The following TNKS variants were observed in gnomAD, a reference collection of about 807,000 sequenced individuals.
The protein encoded by TNKS is poly [ADP-ribose] polymerase tankyrase-1.
TNKS carries 72 observed loss-of-function variants against 135.8 expected under a neutral mutation model. The ratio of observed to expected loss-of-function variants is 0.53; its 90% CI spans 0.44 to 0.64. The LOEUF is 0.64. TNKS is among the 30% of genes least tolerant of loss of function. TNKS has a pLI of 0.00. For missense variants in TNKS, 1,769 were observed against 1,674.0 expected, an observed-to-expected ratio of 1.06 and a Z score of -0.99; for synonymous variants, 849 against 649.3, an observed-to-expected ratio of 1.31 and a Z score of -4.68.
chr8:9,717,103 T>TATATATATATATATATATATG (rs1554476739), intron 11 of TNKS, among the ~76,000 whole-genome samples: 1 of 39,332 alleles, frequency 2.5e-5, no homozygotes, highest in African/African-American at 8.0e-5. Context: ...ATATATATAT[T>TATATATATATATATATATATG]TTCAGGGAAT....
At chr8:9,715,929 G>T (rs549705584) in intron 11 of TNKS, among the ~76,000 whole-genome samples, 1 of 152,198 alleles carries the variant, frequency 6.6e-6, no homozygotes, top group East Asian at 1.9e-4. Context: ...CTGGCATTCT[G>T]CATTCTGTCA....
intron 12 of TNKS, among the ~76,000 whole-genome samples, chr8:9,722,849 A>T (rs573736950): frequency 2.2e-4 from 34 of 152,286 alleles, no homozygotes; most frequent in South Asian, 1.0e-3. Context: ...CAAAATGGAG[A>T]AGAAAGTATT....
intron 2 of TNKS, among the ~76,000 whole-genome samples, chr8:9,584,349 C>T (rs537446253): frequency 1.8e-4 from 27 of 152,130 alleles, no homozygotes; most frequent in African/African-American, 6.5e-4. Flanking sequence ...TCTTTGCAGT[C>T]AGGGATTGTC....
At chr8:9,596,378 T>G (rs5018578) in intron 2 of TNKS, among the ~76,000 whole-genome samples, 2 of 152,110 alleles carry the variant, frequency 1.3e-5, no homozygotes, top group South Asian at 4.1e-4. Flanking sequence ...CCTTCTTACT[T>G]CTCATTCTCA....
chr8:9,757,680 C>T (rs1459428902), intron 20 of TNKS, among the ~76,000 whole-genome samples: 1 of 152,142 alleles, frequency 6.6e-6, no homozygotes, highest in East Asian at 1.9e-4. Flanking sequence ...TCTTGGTTAC[C>T]TCAAGTAAAT....
intron 5 of TNKS, among the ~76,000 whole-genome samples, chr8:9,688,185 T>C (rs1273698214): frequency 6.6e-6 from 1 of 152,226 alleles, no homozygotes; most frequent in African/African-American, 2.4e-5. Flanking sequence ...ATGATTTGAG[T>C]ACCCTTTGGT....
At chr8:9,722,075 G>A (rs200403876) in intron 12 of TNKS, among the ~76,000 whole-genome samples, 4 of 148,226 alleles carry the variant, frequency 2.7e-5, no homozygotes, top group African/African-American at 5.0e-5. Flanking sequence ...AAAAAGAAAA[G>A]AAAAGAAAAA....
chr8:9,714,292 T>A (rs190854914), intron 11 of TNKS, among the ~76,000 whole-genome samples: 2 of 151,978 alleles, frequency 1.3e-5, no homozygotes, highest in African/African-American at 4.8e-5. Context: ...GAGTCTCAGT[T>A]GACTAATCAG....
chr8:9,649,202 G>A (rs1801038036), intron 3 of TNKS, among the ~76,000 whole-genome samples: 1 of 152,262 alleles, frequency 6.6e-6, no homozygotes, highest in South Asian at 2.1e-4. Context: ...ATAGTTTTGA[G>A]CACAGAGCTA....
At chr8:9,590,340 A>C (rs945124057) in intron 2 of TNKS, among the ~76,000 whole-genome samples, 3 of 152,156 alleles carry the variant, frequency 2.0e-5, no homozygotes, top group Non-Finnish European at 4.4e-5. Flanking sequence ...TTTCACTAAT[A>C]ATGTTAATTC....
intron 26 of TNKS, among the ~76,000 whole-genome samples, chr8:9,773,063 T>C (rs1348487276): frequency 6.6e-6 from 1 of 151,818 alleles, no homozygotes; most frequent in African/African-American, 2.4e-5. Context: ...AAGGAAGGAA[T>C]AAATTTGTCA....
At chr8:9,628,699 G>A (rs897910388) in intron 3 of TNKS, among the ~76,000 whole-genome samples, 8 of 152,116 alleles carry the variant, frequency 5.3e-5, no homozygotes, top group Admixed American at 2.0e-4. Context: ...GACCCCTCTC[G>A]TTCAGACCTC....
At chr8:9,701,311 GA>G (rs2128806016) in intron 5 of TNKS, among the ~76,000 whole-genome samples, 1 of 152,246 alleles carries the variant, frequency 6.6e-6, no homozygotes, top group South Asian at 2.1e-4. Flanking sequence ...TCAGGAATAA[GA>G]AATAAAAGTT....
intron 11 of TNKS, among the ~76,000 whole-genome samples, chr8:9,711,285 A>G (rs1052398859): frequency 6.6e-6 from 1 of 152,198 alleles, no homozygotes; most frequent in African/African-American, 2.4e-5. Flanking sequence ...CGTGTCAGCC[A>G]TTGTGACTCG....
At chr8:9,694,637 C>T (rs1055306254) in intron 5 of TNKS, among the ~76,000 whole-genome samples, 2 of 151,922 alleles carry the variant, frequency 1.3e-5, no homozygotes, top group African/African-American at 4.8e-5. Flanking sequence ...TGGTGGGCGC[C>T]TGTAGTCCCA....
intron 3 of TNKS, among the ~76,000 whole-genome samples, chr8:9,678,123 A>T (rs892413685): frequency 6.6e-6 from 1 of 152,168 alleles, no homozygotes; most frequent in African/African-American, 2.4e-5. Context: ...GTCAGAGATG[A>T]TAGTGTCTTT....
chr8:9,709,788 C>G (rs1478257954), intron 9 of TNKS, among the ~76,000 whole-genome samples, 167 bp from the exon 10 acceptor site: 2 of 152,196 alleles, frequency 1.3e-5, no homozygotes, highest in Non-Finnish European at 2.9e-5. Context: ...TGTATTTCCA[C>G]TATACGTAGA....
At chr8:9,686,871 A>G (rs1803027530) in intron 5 of TNKS, among the ~76,000 whole-genome samples, 1 of 152,146 alleles carries the variant, frequency 6.6e-6, no homozygotes, top group Admixed American at 6.5e-5. Context: ...TTTAGCCTAA[A>G]AAAAATGAAG....
chr8:9,772,154 A>G (rs1807943416), intron 26 of TNKS, among the ~76,000 whole-genome samples: 1 of 150,630 alleles, frequency 6.6e-6, no homozygotes, highest in Non-Finnish European at 1.5e-5. Flanking sequence ...TGTACCCATT[A>G]TTAGACCAGG....
Sources: allele counts gnomAD v4.1 joint callset (sites outside exome capture counted in the v4.1 genomes callset), GRCh38; gene constraint gnomAD v4.1.1; transcripts MANE v1.5; gene names NCBI Gene and HGNC (gene_info 2026-07-23, HGNC 2026-07-21).